ATP2B3: variants seen among roughly 807,000 people sequenced by gnomAD.
ATP2B3 encodes the protein ATPase plasma membrane Ca2+ transporting 3, also known as plasma membrane calcium-transporting ATPase 3.
In ATP2B3, 12 loss-of-function variants were observed where a neutral mutation model predicts 70.8. The ratio of observed to expected loss-of-function variants is 0.17; its 90% confidence interval spans 0.11 to 0.27. The LOEUF (loss-of-function observed/expected upper bound fraction) is 0.27, where lower values mean the gene tolerates loss of function less well. Among genes scored for constraint, ATP2B3 ranks in the 10% least tolerant of loss-of-function variants. The pLI, the probability that ATP2B3 is intolerant of heterozygous loss-of-function variation, is 1.00. For missense variants in ATP2B3, 858 were observed against 1,118.5 expected, an observed-to-expected ratio of 0.77 and a Z score of 3.32; for synonymous variants, 460 against 497.8, an observed-to-expected ratio of 0.92 and a Z score of 1.01.
chrX:153,542,254 A>T, intron 5 of ATP2B3, 69 bp from the exon 6 acceptor site: 1 of 1,191,058 alleles, frequency 8.4e-7, no homozygotes, highest in Non-Finnish European at 1.1e-6. Flanking sequence ...ATGGCACCTG[A>T]CGGGACCTCC....
intron 17 of ATP2B3, among the ~76,000 whole-genome samples, chrX:153,558,704 G>A (rs1270985643): frequency 8.9e-6 from 1 of 111,934 alleles, no homozygotes; most frequent in Non-Finnish European, 1.9e-5. Flanking sequence ...CTGGCATCTC[G>A]CTTAGCACCG....
intron 2 of ATP2B3, among the ~76,000 whole-genome samples, chrX:153,520,821 T>C (rs941040509): frequency 6.2e-5 from 7 of 112,368 alleles, no homozygotes; most frequent in African/African-American, 2.3e-4. Flanking sequence ...GTGGTTCGTG[T>C]GAACTCACTG....
intron 2 of ATP2B3, among the ~76,000 whole-genome samples, chrX:153,535,764 G>A (rs1453871298): frequency 2.7e-5 from 3 of 113,026 alleles, no homozygotes; most frequent in Non-Finnish European, 3.7e-5. Flanking sequence ...GTCCCAGCAC[G>A]CTGCCCTCAC....
intron 5 of ATP2B3, 92 bp downstream of exon 5, chrX:153,542,018 TC>T: frequency 9.4e-7 from 1 of 1,058,301 alleles, no homozygotes; most frequent in Non-Finnish European, 1.2e-6. Context: ...GCACAGGTTC[TC>T]CCCGGTGGCC....
In ATP2B3 at chrX:153,558,991, G is replaced by T. The variant is rs782816006; in HGVS notation, c.2625+688G>T. 4.5e-5 allele frequency among the ~76,000 whole-genome samples: 5 copies of T among 111,695 alleles called. No individual in the cohort carries two copies. The South Asian group carries it at 1.9e-3, about 42-fold the overall frequency. On this transcript the variant is annotated intron_variant, in intron 17 of 21. Transcript: ENST00000263519. ...TTCTTCACCCCGCCTTAGAAAGGGG[G>T]TGTTTAAATTGCCTGCTGATCAACT...
chrX:153,558,338 C>T (rs782504527), intron 17 of ATP2B3, 35 bp downstream of exon 17: 2 of 1,152,379 alleles, frequency 1.7e-6, no homozygotes, highest in Non-Finnish European at 2.3e-6. Context: ...CCAGCTAGGA[C>T]ACCTGGGCTC....
At position 153,550,045 on chromosome X, in the gene ATP2B3, C is replaced by T. The variant is rs781818476; in HGVS notation, c.1582C>T (p.Pro528Ser). The change falls in exon 12 of 22, where the codon CCT becomes TCT. Residue 528 changes from proline (P) to serine (S), a missense_variant and splice_region_variant. Physicochemically the swap from Pro to Ser is moderately conservative, Grantham distance 74. Transcript: ENST00000263519. ...INSAYTTKILPPEKEGALPRQ... is the reference protein window; with the variant it reads ...INSAYTTKILSPEKEGALPRQ... ...CCTGCTAGCCCTCGTCATCTTGCAG[C>T]CTCCTGAGAAGGAAGGCGCCCTCCC... 17 of 1,207,093 alleles carry T rather than the reference C, an allele frequency of 1.4e-5. No individual in the cohort carries two copies. In the South Asian group the frequency reaches 2.8e-4, roughly 20 times the overall value.
At chrX:153,542,256 G>C in intron 5 of ATP2B3, 67 bp from the exon 6 acceptor site, 1 of 1,192,682 alleles carries the variant, frequency 8.4e-7, no homozygotes, top group Non-Finnish European at 1.1e-6. Context: ...GGCACCTGAC[G>C]GGACCTCCCC....
chrX:153,571,002 G>GCGCA (rs782372965), intron 21 of ATP2B3, among the ~76,000 whole-genome samples: 861 of 26,738 alleles, frequency 0.032, 2 homozygotes, highest in Non-Finnish European at 0.085. Context: ...ACGTGCGCGC[G>GCGCA]TACACACACA....
At chrX:153,526,504 C>T (rs1268906610) in intron 2 of ATP2B3, among the ~76,000 whole-genome samples, 2 of 111,928 alleles carry the variant, frequency 1.8e-5, no homozygotes, top group East Asian at 2.8e-4. Context: ...GCTCGTATGC[C>T]GGGTTCCTCG....
At chrX:153,569,774 T>G in intron 21 of ATP2B3, 2 of 1,205,455 alleles carry the variant, frequency 1.7e-6, no homozygotes, top group Non-Finnish European at 2.2e-6. Context: ...TTGACTTCCC[T>G]TTTCTCTCAT....
At position 153,559,573 on chromosome X, in the gene ATP2B3, G is replaced by C. The variant is rs1477179770; in HGVS notation, c.2626-156G>C. 1.9e-5 allele frequency: 9 copies of C among 478,317 alleles called. No individual in the cohort carries two copies. The East Asian group carries it at 3.3e-4, about 17-fold the overall frequency. The allele number at this position is 478,317 out of a possible 1,213,427, so 39.4% of individuals were successfully genotyped here. On this transcript the variant is annotated intron_variant, in intron 17 of 21. Coordinates refer to ENST00000263519, the MANE Select transcript of ATP2B3 (RefSeq NM_001001344.3). ...ACAGCCCAAAGAAAACGCCCCACTA[G>C]CGTAAAGGCGATGTAGGGATGGAGA...
chrX:153,523,951 C>T (rs895480807), intron 2 of ATP2B3, among the ~76,000 whole-genome samples: 2 of 111,435 alleles, frequency 1.8e-5, no homozygotes, highest in African/African-American at 6.5e-5. Context: ...CCACCTCGGC[C>T]TCCCAAAGTG....
chrX:153,531,372 C>T (rs976010188), intron 2 of ATP2B3, among the ~76,000 whole-genome samples: 22 of 113,207 alleles, frequency 1.9e-4, no homozygotes, highest in African/African-American at 7.0e-4. Flanking sequence ...TGGGTTCTGC[C>T]GGGCCTGGCC....
In ATP2B3 at chrX:153,549,449, A is replaced by AC. The variant is rs782394920; in HGVS notation, c.1339-44dup. On this transcript the variant is annotated intron_variant, in intron 10 of 21. Transcript: ENST00000263519. ...TTGTGTTGACATCTCTCACTCCTCCACCCCAACAAGCACCTGGGCCAAATG... is the reference window on the plus strand; with the variant it reads ...TTGTGTTGACATCTCTCACTCCTCCACCCCCAACAAGCACCTGGGCCAAATG... The AC allele has an allele frequency of 3.3e-6, 4 of 1,204,510 alleles. No homozygotes were observed. In the African/African-American group the frequency reaches 7.0e-5, roughly 21 times the overall value.
chrX:153,521,811 C>T (rs782003985), intron 2 of ATP2B3, among the ~76,000 whole-genome samples: 1 of 112,300 alleles, frequency 8.9e-6, no homozygotes, highest in East Asian at 2.8e-4. Context: ...AGGAGCCACC[C>T]AAGGCTGGTG....
At chrX:153,527,187 C>T (rs1330015231) in intron 2 of ATP2B3, among the ~76,000 whole-genome samples, 2 of 112,870 alleles carry the variant, frequency 1.8e-5, no homozygotes, top group East Asian at 2.8e-4. Flanking sequence ...ACAGCAGAGC[C>T]GGGCCGACTT....
intron 16 of ATP2B3, among the ~76,000 whole-genome samples, chrX:153,557,591 C>G (rs896959917): frequency 1.8e-5 from 2 of 112,321 alleles, no homozygotes; most frequent in African/African-American, 3.2e-5. Context: ...AGCTCCAGCC[C>G]AAGCTTCGAG....
rs1557010471 is a variant in ATP2B3, at chrX:153,549,622, C to T, written c.1464C>T (p.Ser488=). Residue 488 remains serine (S), a synonymous_variant, in exon 11 of 22, where the codon TCC becomes TCT. Coordinates refer to ENST00000263519, the MANE Select transcript of ATP2B3 (RefSeq NM_001001344.3). ...CCAACCGTATGACCGTGGTCCAGTC[C>T]TACCTAGGAGACACCCACTACAAAG... The part of the protein sequence containing the change: ...LTTNRMTVVQ[S]YLGDTHYKEI... The T allele has an allele frequency of 8.3e-7, 1 of 1,211,022 alleles. No individual in the cohort carries two copies. Among genetic ancestry groups the T allele is most frequent in the African/African-American group, 1.7e-5 (1 of 57,451 alleles).
Sources: allele counts gnomAD v4.1 joint callset (sites outside exome capture counted in the v4.1 genomes callset), GRCh38; gene constraint gnomAD v4.1.1; transcripts MANE v1.5; gene names NCBI Gene and HGNC (gene_info 2026-07-23, HGNC 2026-07-21).